Variants in TOX observed in about 807,000 individuals in gnomAD.
TOX encodes thymocyte selection associated high mobility group box.
Under a neutral mutation model 53.7 loss-of-function variants are expected in TOX, and 11 were observed. The observed-to-expected ratio is 0.20, with a 90% CI of 0.13 to 0.34. The LOEUF (loss-of-function observed/expected upper bound fraction) is 0.34. Among genes scored for constraint, TOX ranks in the 10% least tolerant of loss-of-function variants. TOX has a pLI of 1.00. For missense variants in TOX, 570 were observed against 664.6 expected (o/e 0.86, Z 1.56); for synonymous variants, 225 against 245.3 (o/e 0.92, Z 0.77).
chr8:58,943,708 C>A (rs1296629819), intron 2 of TOX, among the ~76,000 whole-genome samples: 1 of 150,756 alleles, frequency 6.6e-6, no homozygotes, highest in Non-Finnish European at 1.5e-5. Context: ...GTCTAGAATG[C>A]TGAGGGAGGC....
intron 3 of TOX, among the ~76,000 whole-genome samples, chr8:58,921,371 G>A (rs945613874): frequency 1.4e-4 from 21 of 152,056 alleles, no homozygotes; most frequent in Non-Finnish European, 2.6e-4. Flanking sequence ...GGAACGAATC[G>A]GATCCAAATG....
At chr8:58,930,982 CTTTG>C (rs774801764) in intron 3 of TOX, among the ~76,000 whole-genome samples, 26 of 152,232 alleles carry the variant, frequency 1.7e-4, no homozygotes, top group African/African-American at 6.3e-4. Context: ...TTTTATTCAT[CTTTG>C]TTTGCTAAAT....
intron 1 of TOX, among the ~76,000 whole-genome samples, chr8:59,046,155 A>G (rs1391074083): frequency 1.3e-5 from 2 of 152,192 alleles, no homozygotes; most frequent in Non-Finnish European, 2.9e-5. Context: ...TTTTCATTCA[A>G]TCATTCATTG....
At chr8:59,054,976 C>CGGAGGGAG (rs57197833) in intron 1 of TOX, among the ~76,000 whole-genome samples, 2 of 105,616 alleles carry the variant, frequency 1.9e-5, no homozygotes, top group African/African-American at 6.6e-5. Context: ...AAGGAAGGGA[C>CGGAGGGAG]GGAGGGAGGG....
At chr8:59,080,429 GGACTTTA>G (rs1471704074) in intron 1 of TOX, among the ~76,000 whole-genome samples, 3 of 152,164 alleles carry the variant, frequency 2.0e-5, no homozygotes, top group African/African-American at 7.2e-5. Context: ...ATGGGATTTT[GGACTTTA>G]GACTTTAGAG....
At chr8:58,849,113 A>AT (rs1463301229) in intron 4 of TOX, among the ~76,000 whole-genome samples, 1 of 152,136 alleles carries the variant, frequency 6.6e-6, no homozygotes, top group Non-Finnish European at 1.5e-5. Flanking sequence ...TCATCAGAGG[A>AT]TTTTTCTAGC....
chr8:58,935,774 C>T (rs1323388025), intron 3 of TOX, among the ~76,000 whole-genome samples: 2 of 152,150 alleles, frequency 1.3e-5, no homozygotes, highest in Non-Finnish European at 1.5e-5. Context: ...AACTTGCTAG[C>T]AAAGAGTTTT....
At chr8:58,807,905 A>G in intron 8 of TOX, 122 bp from the exon 9 acceptor site, 1 of 1,360,808 alleles carries the variant, frequency 7.3e-7, no homozygotes, top group Non-Finnish European at 1.0e-6. Flanking sequence ...GGAAACTGCA[A>G]TTAGTTAACC....
intron 1 of TOX, among the ~76,000 whole-genome samples, chr8:59,074,570 C>T (rs915033059): frequency 1.3e-5 from 2 of 152,008 alleles, no homozygotes; most frequent in Non-Finnish European, 2.9e-5. Flanking sequence ...GGTAGCAATG[C>T]AATATTGCGT....
At chr8:58,872,568 AC>A (rs1360157288) in intron 3 of TOX, among the ~76,000 whole-genome samples, 2 of 152,028 alleles carry the variant, frequency 1.3e-5, no homozygotes, top group Admixed American at 6.6e-5. Flanking sequence ...GATAATGTGG[AC>A]CCTTGAAATG....
chr8:59,093,017 CAAGT>C (rs1373088307), intron 1 of TOX, among the ~76,000 whole-genome samples: 26 of 152,308 alleles, frequency 1.7e-4, no homozygotes, highest in African/African-American at 6.3e-4. Flanking sequence ...CCAACACCAA[CAAGT>C]AAGTGAGTAT....
At chr8:58,827,481 A>G (rs893276033) in intron 5 of TOX, among the ~76,000 whole-genome samples, 1 of 152,196 alleles carries the variant, frequency 6.6e-6, no homozygotes, top group African/African-American at 2.4e-5. Flanking sequence ...CACGTTTGGG[A>G]GAGGAATGGG....
chr8:59,099,586 G>A (rs1804770011), intron 1 of TOX, among the ~76,000 whole-genome samples: 1 of 152,180 alleles, frequency 6.6e-6, no homozygotes, highest in South Asian at 2.1e-4. Context: ...TAGGAGTACA[G>A]TACCCATTGG....
intron 1 of TOX, among the ~76,000 whole-genome samples, chr8:59,066,542 GTTC>G (rs1443760487): frequency 6.6e-6 from 1 of 152,034 alleles, no homozygotes; most frequent in Non-Finnish European, 1.5e-5. Context: ...AAGAACCCTT[GTTC>G]TTCTTTAATT....
chr8:58,956,310 A>G (rs1004414433), intron 2 of TOX, among the ~76,000 whole-genome samples: 4 of 152,194 alleles, frequency 2.6e-5, no homozygotes, highest in African/African-American at 9.7e-5. Context: ...ACCCCATAGC[A>G]TGCGTATCTG....
chr8:59,080,944 C>T (rs376474024), intron 1 of TOX, among the ~76,000 whole-genome samples: 4 of 152,130 alleles, frequency 2.6e-5, no homozygotes, highest in South Asian at 2.1e-4. Flanking sequence ...ACCTACTGGT[C>T]GGTGTTCACC....
Position 58,815,418 on chromosome 8 carries a change from G to C in TOX, c.1312C>G (p.Pro438Ala). The change falls in exon 7 of 9, where the codon CCG (proline) becomes GCG (alanine). Residue 438 changes from proline (P) to alanine (A), a missense_variant. Pro to Ala is a conservative substitution (Grantham distance 27). Coordinates refer to ENST00000361421, the MANE Select transcript of TOX (RefSeq NM_014729.3). ...CCAAGGGGCTGCTGCATGGTGAGCG[G>C]CTGGTGCTGCTGCATGTTGAGATGC... ...HQHLNMQQHQ[P>A]LTMQQPLGNQ... 1 of 1,614,060 alleles carries C rather than the reference G, an allele frequency of 6.2e-7. No individual in the cohort carries two copies. Among genetic ancestry groups the C allele is most frequent in the Non-Finnish European group, 8.5e-7 (1 of 1,179,984 alleles).
intron 3 of TOX, among the ~76,000 whole-genome samples, chr8:58,930,870 G>A (rs1040811512): frequency 1.3e-5 from 2 of 152,100 alleles, no homozygotes; most frequent in East Asian, 1.9e-4. Context: ...TATAACTAAT[G>A]ACTGAAAGCT....
chr8:59,002,185 G>C (rs746353307), intron 1 of TOX, among the ~76,000 whole-genome samples: 8 of 148,474 alleles, frequency 5.4e-5, no homozygotes, highest in Non-Finnish European at 5.9e-5. Flanking sequence ...TGTTGGTAAG[G>C]CTGGTTTTAA....
Sources: gnomAD v4.1 joint callset for allele counts (sites outside exome capture counted in the v4.1 genomes callset) on GRCh38, gnomAD v4.1.1 for gene constraint, MANE v1.5 for transcripts, NCBI Gene and HGNC (gene_info 2026-07-23, HGNC 2026-07-21) for gene names.